CMSS1: variants seen among roughly 807,000 people sequenced by gnomAD.
CMSS1 encodes protein CMSS1.
CMSS1 carries 33 observed loss-of-function variants against 43.5 expected under a neutral mutation model. That is an observed-to-expected ratio of 0.76 (90% CI 0.57 to 1.01). The LOEUF (loss-of-function observed/expected upper bound fraction) is 1.01, where lower values mean the gene tolerates loss of function less well. Among genes scored for constraint, CMSS1 ranks in the 50% least tolerant of loss-of-function variants. CMSS1 has a pLI of 0.00. For synonymous variants in CMSS1, 115 were observed against 117.2 expected (o/e 0.98, Z 0.12); for missense variants, 313 against 326.4 (o/e 0.96, Z 0.32).
At chr3:100,168,500 C>G (rs1457474505) in intron 6 of CMSS1, among the ~76,000 whole-genome samples, 1 of 152,020 alleles carries the variant, frequency 6.6e-6, no homozygotes, top group African/African-American at 2.4e-5. Context: ...TTGAGACCAG[C>G]CTGGGCAACA....
chr3:100,046,172 C>T (rs1241951183), intron 1 of CMSS1, among the ~76,000 whole-genome samples: 1 of 152,098 alleles, frequency 6.6e-6, no homozygotes, highest in Non-Finnish European at 1.5e-5. Flanking sequence ...TTTCCCAGGG[C>T]ACTGATAACT....
intron 1 of CMSS1, among the ~76,000 whole-genome samples, chr3:100,005,313 C>G (rs910952463): frequency 2.0e-5 from 3 of 152,170 alleles, no homozygotes; most frequent in Non-Finnish European, 4.4e-5. Flanking sequence ...GTCACTCAAA[C>G]AGGCTGTCTT....
intron 1 of CMSS1, among the ~76,000 whole-genome samples, chr3:100,022,467 C>G (rs1340681573): frequency 4.6e-5 from 7 of 152,168 alleles, no homozygotes; most frequent in Non-Finnish European, 7.4e-5. Context: ...ATTGCACATC[C>G]CATTACAGAA....
chr3:99,985,047 AC>A (rs1709290815), intron 1 of CMSS1, among the ~76,000 whole-genome samples: 1 of 152,240 alleles, frequency 6.6e-6, no homozygotes, highest in South Asian at 2.1e-4. Flanking sequence ...GGGGCAGGGT[AC>A]CAGGTATATA....
At chr3:100,031,368 AC>A (rs976767056) in intron 1 of CMSS1, among the ~76,000 whole-genome samples, 38 of 152,056 alleles carry the variant, frequency 2.5e-4, no homozygotes, top group African/African-American at 9.2e-4. Context: ...AGTTCCTGTT[AC>A]CCTCGTTTCC....
At chr3:99,957,018 C>T (rs1227021487) in intron 1 of CMSS1, among the ~76,000 whole-genome samples, 1 of 152,146 alleles carries the variant, frequency 6.6e-6, no homozygotes, top group Admixed American at 6.5e-5. Context: ...CTGTCTTTTT[C>T]CCAGCTGCCC....
Position 100,097,882 on chromosome 3 carries a change from T to C in CMSS1, c.65-49091T>C, listed in dbSNP as rs189537803. Reference sequence around the variant, plus strand: ...ATGGCTTTGTTGCACTTTTTCTGAATAGCTTTGTGTTATATTTTTACTCAG... The same window carrying C: ...ATGGCTTTGTTGCACTTTTTCTGAACAGCTTTGTGTTATATTTTTACTCAG... On this transcript the variant is annotated intron_variant, in intron 1 of 9. Transcript: ENST00000421999. 2.8e-3 allele frequency among the ~76,000 whole-genome samples: 428 copies of C among 152,358 alleles called. 3 individuals carry two copies. The highest frequency in any genetic ancestry group is 9.7e-3 in the African/African-American group (404 of 41,598).
intron 1 of CMSS1, among the ~76,000 whole-genome samples, chr3:100,033,010 G>A (rs1271451614): frequency 1.3e-5 from 2 of 151,408 alleles, no homozygotes; most frequent in Non-Finnish European, 2.9e-5. Context: ...CCCCTCACAT[G>A]AAAGTTAGTG....
intron 1 of CMSS1, among the ~76,000 whole-genome samples, chr3:99,885,313 A>G (rs1377372062): frequency 2.0e-5 from 3 of 152,198 alleles, no homozygotes; most frequent in African/African-American, 7.2e-5. Context: ...ACTCTCAGTG[A>G]CTTCCACTTT....
At chr3:99,921,724 A>T (rs1303657424) in intron 1 of CMSS1, among the ~76,000 whole-genome samples, 1 of 152,244 alleles carries the variant, frequency 6.6e-6, no homozygotes, top group Non-Finnish European at 1.5e-5. Context: ...TTTATATCCT[A>T]TAAAGCTAAA....
intron 1 of CMSS1, among the ~76,000 whole-genome samples, chr3:100,010,765 C>A (rs1017515926): frequency 2.7e-5 from 4 of 148,352 alleles, no homozygotes; most frequent in African/African-American, 5.0e-5. Flanking sequence ...CAGGTGCGCG[C>A]CTCCACGCCC....
chr3:100,074,850 C>T (rs1445297422), intron 1 of CMSS1, among the ~76,000 whole-genome samples: 2 of 151,490 alleles, frequency 1.3e-5, no homozygotes. Flanking sequence ...CGCACCACCA[C>T]TCCTGGCTAA....
At chr3:99,861,118 A>G (rs1349778376) in intron 1 of CMSS1, among the ~76,000 whole-genome samples, 1 of 151,570 alleles carries the variant, frequency 6.6e-6, no homozygotes, top group African/African-American at 2.4e-5. Flanking sequence ...GTTCTTGATT[A>G]TTTAGAAAAG....
intron 1 of CMSS1, chr3:100,109,901 T>G (rs2066459158): frequency 8.7e-6 from 1 of 114,710 alleles, no homozygotes; most frequent in African/African-American, 4.1e-5. Context: ...GTTTCTTTTA[T>G]GACCCCCCCC....
chr3:99,892,443 T>C (rs894482306), intron 1 of CMSS1, among the ~76,000 whole-genome samples: 5 of 152,182 alleles, frequency 3.3e-5, no homozygotes, highest in Admixed American at 3.3e-4. Context: ...TGAACTCCCA[T>C]TGGCTCAAAC....
At chr3:99,985,669 A>AC (rs766050880) in intron 1 of CMSS1, among the ~76,000 whole-genome samples, 1 of 151,644 alleles carries the variant, frequency 6.6e-6, no homozygotes, top group Non-Finnish European at 1.5e-5. Context: ...GCTCACTGCA[A>AC]CCTCCGTCTC....
intron 1 of CMSS1, among the ~76,000 whole-genome samples, chr3:99,836,108 T>C (rs1406123677): frequency 6.6e-6 from 1 of 152,154 alleles, no homozygotes; most frequent in Non-Finnish European, 1.5e-5. Flanking sequence ...GGCTGGAGAA[T>C]TGCTGTGATC....
intron 1 of CMSS1, among the ~76,000 whole-genome samples, chr3:99,904,181 G>A (rs935470647): frequency 1.3e-5 from 2 of 152,224 alleles, no homozygotes; most frequent in African/African-American, 4.8e-5. Flanking sequence ...TTAATGATAA[G>A]TGTATGGCTT....
chr3:100,167,270 A>T (rs1451881890), intron 5 of CMSS1, among the ~76,000 whole-genome samples: 1 of 152,240 alleles, frequency 6.6e-6, no homozygotes, highest in Non-Finnish European at 1.5e-5. Context: ...TCACTAGATT[A>T]TGAGAACTAA....
Sources: gnomAD v4.1 joint callset for allele counts (sites outside exome capture counted in the v4.1 genomes callset) on GRCh38, gnomAD v4.1.1 for gene constraint, MANE v1.5 for transcripts, NCBI Gene and HGNC (gene_info 2026-07-23, HGNC 2026-07-21) for gene names.